Variants in CFAP210 observed in about 807,000 individuals in gnomAD.
CFAP210 encodes cilia and flagella associated protein 210.
chr2:169,665,331 G>C, the CFAP210 span, among the ~76,000 whole-genome samples: 1 of 152,098 alleles, frequency 6.6e-6, no homozygotes, highest in African/African-American at 2.4e-5. Flanking sequence ...TGTCATCCAG[G>C]CTGGAGTGTA....
At chr2:169,661,080 C>A in the CFAP210 span, 7 of 541,020 alleles carry the variant, frequency 1.3e-5, no homozygotes, top group African/African-American at 1.3e-4. Flanking sequence ...GAGAATATGG[C>A]GTACTTGTCA....
At chr2:169,673,740 G>C in the CFAP210 span, among the ~76,000 whole-genome samples, 1 of 152,166 alleles carries the variant, frequency 6.6e-6, no homozygotes, top group Non-Finnish European at 1.5e-5. Context: ...ACAGGAGATA[G>C]AACTTAGAGC....
chr2:169,646,018 T>C, the CFAP210 span: 1 of 1,613,992 alleles, frequency 6.2e-7, no homozygotes, highest in Non-Finnish European at 8.5e-7. Context: ...GTACAGCTTT[T>C]ACAAGAGGGT....
chr2:169,663,428 T>C, the CFAP210 span, among the ~76,000 whole-genome samples: 1 of 152,192 alleles, frequency 6.6e-6, no homozygotes, highest in African/African-American at 2.4e-5. Context: ...CTCAAACTCC[T>C]GGACTGAAGC....
At chr2:169,682,349 C>T in the CFAP210 span, among the ~76,000 whole-genome samples, 2 of 152,122 alleles carry the variant, frequency 1.3e-5, no homozygotes, top group Non-Finnish European at 2.9e-5. Flanking sequence ...CAGTGAGGGC[C>T]CATGGCAACC....
At chr2:169,674,509 T>G in the CFAP210 span, 1 of 1,316,652 alleles carries the variant, frequency 7.6e-7, no homozygotes, top group South Asian at 1.4e-5. Flanking sequence ...CTTTTATAAT[T>G]AGAAAAAAGC....
the CFAP210 span, among the ~76,000 whole-genome samples, chr2:169,693,820 A>G: frequency 1.3e-5 from 2 of 152,146 alleles, no homozygotes; most frequent in Non-Finnish European, 2.9e-5. Flanking sequence ...GTAAAGACCA[A>G]TCAGCAGGTT....
At chr2:169,645,547 G>A in the CFAP210 span, 2 of 274,130 alleles carry the variant, frequency 7.3e-6, no homozygotes, top group Non-Finnish European at 6.9e-6. Context: ...TTTCTAGTAA[G>A]AGCACTGAAA....
the CFAP210 span, among the ~76,000 whole-genome samples, chr2:169,651,310 G>C: frequency 6.6e-6 from 1 of 151,730 alleles, no homozygotes; most frequent in Non-Finnish European, 1.5e-5. Context: ...CAGGAGGACT[G>C]CTTGAGCCCA....
the CFAP210 span, among the ~76,000 whole-genome samples, chr2:169,670,401 A>C: frequency 6.6e-6 from 1 of 152,146 alleles, no homozygotes; most frequent in African/African-American, 2.4e-5. Flanking sequence ...AGCATGTGAA[A>C]ATTTTCACTT....
chr2:169,645,976 C>G, the CFAP210 span: 2 of 1,613,956 alleles, frequency 1.2e-6, no homozygotes, highest in South Asian at 1.1e-5. Context: ...TGTCCACAAA[C>G]ACTGGTCCAC....
At chr2:169,690,168 T>C in the CFAP210 span, among the ~76,000 whole-genome samples, 2 of 152,138 alleles carry the variant, frequency 1.3e-5, no homozygotes, top group Non-Finnish European at 2.9e-5. Flanking sequence ...ATCTAGCTCA[T>C]GTGCTAAAAC....
At chr2:169,690,992 T>G in the CFAP210 span, among the ~76,000 whole-genome samples, 1 of 152,192 alleles carries the variant, frequency 6.6e-6, no homozygotes, top group Non-Finnish European at 1.5e-5. Context: ...TTTCTACCCC[T>G]TTCTCTGCTC....
the CFAP210 span, chr2:169,694,207 C>A: frequency 6.4e-7 from 1 of 1,570,934 alleles, no homozygotes; most frequent in South Asian, 1.1e-5. Context: ...CCTCTCACTC[C>A]ATGCCGGGGG....
chr2:169,688,083 C>G, the CFAP210 span, among the ~76,000 whole-genome samples: 41 of 152,190 alleles, frequency 2.7e-4, no homozygotes, highest in Middle Eastern at 3.2e-3. Context: ...CACAGGGCAC[C>G]AAGTCTATAG....
chr2:169,676,228 G>T, the CFAP210 span, among the ~76,000 whole-genome samples: 1 of 151,516 alleles, frequency 6.6e-6, no homozygotes, highest in Admixed American at 6.6e-5. Flanking sequence ...CTATTATTTT[G>T]TCATTCTCCG....
At chr2:169,654,847 GT>G in the CFAP210 span, among the ~76,000 whole-genome samples, 2 of 151,894 alleles carry the variant, frequency 1.3e-5, no homozygotes, top group Admixed American at 1.3e-4. Flanking sequence ...AACCAAAAAT[GT>G]TTTTTTACAT....
the CFAP210 span, among the ~76,000 whole-genome samples, chr2:169,692,773 A>G: frequency 2.0e-5 from 3 of 152,234 alleles, no homozygotes; most frequent in Non-Finnish European, 4.4e-5. Context: ...CCAAGGAACT[A>G]TCAAACATGT....
the CFAP210 span, chr2:169,658,599 A>G: frequency 5.8e-6 from 1 of 173,428 alleles, no homozygotes; most frequent in Non-Finnish European, 1.2e-5. Flanking sequence ...GAGAAGAGGA[A>G]CAGAGGAAGA....
Sources: gnomAD v4.1 joint callset for allele counts (sites outside exome capture counted in the v4.1 genomes callset) on GRCh38, gnomAD v4.1.1 for gene constraint, MANE v1.5 for transcripts, NCBI Gene and HGNC (gene_info 2026-07-23, HGNC 2026-07-21) for gene names.